ADARB1: variants seen among roughly 807,000 people sequenced by gnomAD.
ADARB1 encodes adenosine deaminase RNA specific B1.
A neutral mutation model predicts 52.4 loss-of-function variants in ADARB1; 10 were observed. The ratio of observed to expected loss-of-function variants is 0.19; its 90% CI spans 0.12 to 0.32. The LOEUF (loss-of-function observed/expected upper bound fraction) is 0.32. Ranked by LOEUF, ADARB1 falls within the 10% of genes least tolerant of loss-of-function variation. The pLI is 1.00. For synonymous variants in ADARB1, 349 were observed against 371.1 expected, an observed-to-expected ratio of 0.94 and a Z score of 0.68; for missense variants, 643 against 922.3, an observed-to-expected ratio of 0.70 and a Z score of 3.92.
Position 45,202,917 on chromosome 21 carries a change from C to T in ADARB1, c.1566-1638C>T, listed in dbSNP as rs577961488. 7.0e-3 allele frequency among the ~76,000 whole-genome samples: 1,062 copies of T among 151,144 alleles called. 4 individuals carry two copies. Among genetic ancestry groups the T allele is most frequent in the Non-Finnish European group, 0.011 (751 of 67,710 alleles). Reference sequence around the variant, plus strand: ...GAAGCGCATGCCACACTGTGCTGAGCGTCTAACCCTGCAGCGCGTGCCACA... The same window carrying T: ...GAAGCGCATGCCACACTGTGCTGAGTGTCTAACCCTGCAGCGCGTGCCACA... On this transcript the variant is annotated intron_variant, in intron 8 of 10. Transcript: ENST00000348831.
intron 2 of ADARB1, among the ~76,000 whole-genome samples, chr21:45,159,097 T>A (rs1569090778): frequency 6.6e-6 from 1 of 152,228 alleles, no homozygotes; most frequent in Non-Finnish European, 1.5e-5. Context: ...TCTGCATTAG[T>A]CTGTTTTCAC....
intron 1 of ADARB1, among the ~76,000 whole-genome samples, chr21:45,096,174 A>G (rs1359891284): frequency 6.6e-6 from 1 of 152,234 alleles, no homozygotes; most frequent in African/African-American, 2.4e-5. Flanking sequence ...AAGAAACCCT[A>G]GCACTTTGGT....
chr21:45,213,875 C>T lies in ADARB1; in HGVS notation c.1748-6961C>T, dbSNP rs533517684. ...GAACATTTCTGTACAAATCTTTGGG[C>T]GCTTACTTCCATTTCTCTTTAGTAG... On this transcript the variant is annotated intron_variant, in intron 9 of 10. Transcript: ENST00000348831. 1.2e-4 allele frequency among the ~76,000 whole-genome samples: 18 copies of T among 152,280 alleles called. No individual in the cohort carries two copies. In the South Asian group the frequency reaches 2.9e-3, roughly 25 times the overall value.
rs184098305 is a variant in ADARB1, at chr21:45,189,748, T to C, written c.1565+4657T>C. Among the ~76,000 whole-genome samples the C allele has an allele frequency of 4.0e-4, 61 of 151,906 alleles. 1 individual carries two copies. In the East Asian group the frequency reaches 8.3e-3, roughly 21 times the overall value. On this transcript the variant is annotated intron_variant, in intron 8 of 10. Transcript: ENST00000348831. ...TGACAGGGTTGTTTTTTTTTTTTTT[T>C]CTTTCAGCACTTAAAATATATCATT...
At chr21:45,141,873 C>A (rs2089744145) in intron 2 of ADARB1, among the ~76,000 whole-genome samples, 1 of 152,096 alleles carries the variant, frequency 6.6e-6, no homozygotes, top group African/African-American at 2.4e-5. Flanking sequence ...CCTTAGCCAT[C>A]CCAGGGCCAC....
rs2146484163 is a variant in ADARB1 at position 45,224,194 on chromosome 21, T to C, written c.*1997T>C. ...GAGATGGACTTCGTTTTTAAAAATATGTGGATTTTGGTTACCAAGTTTAGT... is the reference window on the plus strand; with the variant it reads ...GAGATGGACTTCGTTTTTAAAAATACGTGGATTTTGGTTACCAAGTTTAGT... On this transcript the variant is annotated 3_prime_UTR_variant, in exon 11 of 11. Transcript: ENST00000348831. 4 of 985,464 alleles carry C rather than the reference T, an allele frequency of 4.1e-6. No homozygotes were observed. The highest frequency in any genetic ancestry group is 4.8e-6 in the Non-Finnish European group (4 of 829,942). 61.0% of individuals were successfully genotyped at this position (985,464 alleles called of 1,614,324 possible). A position where few individuals can be genotyped will look rare whatever the true frequency, so the allele number is the denominator to read the frequency against.
chr21:45,148,835 C>G (rs1442669821), intron 2 of ADARB1, among the ~76,000 whole-genome samples: 2 of 152,214 alleles, frequency 1.3e-5, no homozygotes, highest in Admixed American at 1.3e-4. Context: ...ATTTCTTCTC[C>G]CCAGCTTCTC....
rs367997843 is a variant in ADARB1, at chr21:45,222,023, C to T, written c.1932C>T (p.Pro644=). 18 of 1,613,558 alleles carry T rather than the reference C, an allele frequency of 1.1e-5. No individual in the cohort carries two copies. The African/African-American group carries it at 2.1e-4, about 19-fold the overall frequency. Residue 644 remains proline, a synonymous_variant, in exon 11 of 11, where the codon CCC becomes CCT. Transcript: ENST00000348831. ...GTTTTTTTATCCCTTCACAGGTTCC[C>T]TCCCACTTACTACGCTCCAAGATTA... ...CRWMRVHGKV[P]SHLLRSKITK...
rs988581383 is a variant in ADARB1, at chr21:45,172,007, T to G, written c.28+323T>G. Among the ~76,000 whole-genome samples the G allele has an allele frequency of 6.6e-6, 1 of 152,160 alleles. No homozygotes were observed. Among genetic ancestry groups the G allele is most frequent in the Non-Finnish European group, 1.5e-5 (1 of 68,022 alleles). On this transcript the variant is annotated intron_variant, in intron 3 of 10. Transcript: ENST00000348831. The surrounding 1 kb of genome is among the most constrained non-coding windows in gnomAD (Gnocchi z 4.4). ...GCCTCTCAGAATAATGCTCCGAGTA[T>G]TCACACATACAAATCGAAGATAACG...
chr21:45,184,673 A>G, intron 7 of ADARB1: 1 of 379,808 alleles, frequency 2.6e-6, no homozygotes, highest in East Asian at 5.6e-5. Context: ...CTGGTCTTAA[A>G]CTCCTGGGCT....
intron 5 of ADARB1, among the ~76,000 whole-genome samples, chr21:45,180,896 G>A (rs572469399): frequency 2.0e-5 from 3 of 152,324 alleles, no homozygotes; most frequent in Non-Finnish European, 4.4e-5. Context: ...AATTTAGAAC[G>A]ATAGAAGAAA....
intron 9 of ADARB1, among the ~76,000 whole-genome samples, chr21:45,211,890 G>C (rs533874518): frequency 6.6e-6 from 1 of 152,142 alleles, no homozygotes; most frequent in Non-Finnish European, 1.5e-5. Context: ...ACTCGTAGAC[G>C]TATGCGCTTA....
chr21:45,081,309 A>G (rs2086140099), intron 1 of ADARB1, among the ~76,000 whole-genome samples: 1 of 152,128 alleles, frequency 6.6e-6, no homozygotes, highest in Admixed American at 6.6e-5. Context: ...ACAACTACAC[A>G]CGGACCCGGC....
chr21:45,225,473 C>T lies in ADARB1; in HGVS notation c.*3276C>T, dbSNP rs942162083. 8 of 1,311,352 alleles carry T rather than the reference C, an allele frequency of 6.1e-6. No individual in the cohort carries two copies. Among genetic ancestry groups the T allele is most frequent in the Non-Finnish European group, 7.8e-6 (8 of 1,021,632 alleles). 81.2% of individuals were successfully genotyped at this position (1,311,352 alleles called of 1,614,324 possible). A position where few individuals can be genotyped will look rare whatever the true frequency, so the allele number is the denominator to read the frequency against. Reference sequence around the variant, plus strand: ...GTGGAATTTATTTTTATTCAAATAACCATATTTATCTCCAGGCTGTGGAAT... The same window carrying T: ...GTGGAATTTATTTTTATTCAAATAATCATATTTATCTCCAGGCTGTGGAAT... On this transcript the variant is annotated 3_prime_UTR_variant, in exon 11 of 11. Transcript: ENST00000348831.
chr21:45,124,932 G>A (rs1179673250), intron 1 of ADARB1, among the ~76,000 whole-genome samples: 1 of 151,938 alleles, frequency 6.6e-6, no homozygotes, highest in Non-Finnish European at 1.5e-5. Flanking sequence ...CGAAGTAGCT[G>A]GGATGACAGG....
chr21:45,115,329 A>G (rs1051598000), intron 1 of ADARB1, among the ~76,000 whole-genome samples: 1 of 152,180 alleles, frequency 6.6e-6, no homozygotes, highest in African/African-American at 2.4e-5. Flanking sequence ...AGTCTGGGTC[A>G]CAGAGTGAGT....
chr21:45,218,458 G>A (rs1469455039), intron 9 of ADARB1, among the ~76,000 whole-genome samples: 1 of 152,146 alleles, frequency 6.6e-6, no homozygotes, highest in Non-Finnish European at 1.5e-5. Context: ...ATTCTCTCAG[G>A]AGGCTGTTTC....
intron 1 of ADARB1, among the ~76,000 whole-genome samples, chr21:45,111,772 C>T (rs529705119): frequency 3.3e-5 from 5 of 152,276 alleles, no homozygotes; most frequent in African/African-American, 9.6e-5. Flanking sequence ...ATTCTGCTGA[C>T]GATGGATAGT....
Position 45,220,083 on chromosome 21 carries a change from A to G in ADARB1, c.1748-753A>G, listed in dbSNP as rs2092935944. Among the ~76,000 whole-genome samples, 1 of 149,550 alleles carries G rather than the reference A, an allele frequency of 6.7e-6. No homozygotes were observed. The highest frequency in any genetic ancestry group is 2.5e-5 in the African/African-American group (1 of 40,374). On this transcript the variant is annotated intron_variant, in intron 9 of 10. Coordinates refer to ENST00000348831, the MANE Select transcript of ADARB1 (RefSeq NM_001112.4). The surrounding 1 kb of genome is among the most constrained non-coding windows in gnomAD (Gnocchi z 6.3). Reference sequence around the variant, plus strand: ...CTGTTTGATGTTTGTTCTTGCTTCAATTTTAGCAGAAGTCATGTAGCTCTG... The same window carrying G: ...CTGTTTGATGTTTGTTCTTGCTTCAGTTTTAGCAGAAGTCATGTAGCTCTG...
Sources: gnomAD v4.1 joint callset for allele counts (sites outside exome capture counted in the v4.1 genomes callset) on GRCh38, gnomAD v4.1.1 for gene constraint, Gnocchi (gnomAD v3.1) non-coding constraint, MANE v1.5 for transcripts, NCBI Gene and HGNC (gene_info 2026-07-23, HGNC 2026-07-21) for gene names.